The following ITGA3 variants were observed in gnomAD, a reference collection of about 807,000 sequenced individuals.
The protein encoded by ITGA3 is integrin subunit alpha 3.
ITGA3 carries 70 observed loss-of-function variants against 131.1 expected under a neutral mutation model. The ratio of observed to expected loss-of-function variants is 0.53; its 90% CI spans 0.44 to 0.65. The LOEUF (loss-of-function observed/expected upper bound fraction) is 0.65. Among genes scored for constraint, ITGA3 ranks in the 30% least tolerant of loss-of-function variants. The probability of loss-of-function intolerance (pLI) is 0.00; values close to 1 mark genes in which losing one functional copy is unlikely to be tolerated. For synonymous variants in ITGA3, 537 were observed against 571.6 expected (o/e 0.94, Z 0.86); for missense variants, 1,098 against 1,388.6 (o/e 0.79, Z 3.33).
chr17:50,082,557 C>T (rs1041632642), intron 23 of ITGA3, among the ~76,000 whole-genome samples: 4 of 152,146 alleles, frequency 2.6e-5, no homozygotes, highest in Non-Finnish European at 5.9e-5. Context: ...AGTAGTCCTC[C>T]CACCTCAGCC....
Position 50,088,301 on chromosome 17 carries a change from C to A in ITGA3, c.3122C>A (p.Pro1041Gln), listed in dbSNP as rs768111604. The change falls in exon 25 of 26, where the codon CCG becomes CAG. Residue 1041 changes from proline (P) to glutamine (Q), a missense_variant. Physicochemically the swap from Pro to Gln is moderately conservative, Grantham distance 76 (BLOSUM62 -1). Around this residue, in one of 3 missense-constraint regions of ITGA3, gnomAD observed 699 missense variants for 829.2 expected, o/e 0.84. Coordinates refer to ENST00000320031, the MANE Select transcript of ITGA3 (RefSeq NM_002204.4). Reference sequence around the variant, plus strand: ...CAGAAGGCGGAGATGAAGAGCCAGCCGTCAGAGACAGAGAGGCTGACCGAC... The same window carrying A: ...CAGAAGGCGGAGATGAAGAGCCAGCAGTCAGAGACAGAGAGGCTGACCGAC... ...KRQKAEMKSQ[P>Q]SETERLTDDY is the part of the protein sequence containing the mutation. 3 of 1,588,196 alleles carry A rather than the reference C, an allele frequency of 1.9e-6. No homozygotes were observed. Among genetic ancestry groups the A allele is most frequent in the Non-Finnish European group, 2.6e-6 (3 of 1,167,530 alleles).
chr17:50,068,084 T>C lies in ITGA3; in HGVS notation c.443T>C (p.Leu148Pro), dbSNP rs1908419004. 6.2e-7 allele frequency: 1 copy of C among 1,614,118 alleles called. No homozygotes were observed. Among genetic ancestry groups the C allele is most frequent in the Non-Finnish European group, 8.5e-7 (1 of 1,180,046 alleles). The change falls in exon 4 of 26, where the codon CTG (leucine) becomes CCG (proline). Residue 148 changes from leucine to proline, a missense_variant. Physicochemically the swap from Leu to Pro is moderately conservative, Grantham distance 98. Around this residue, in one of 3 missense-constraint regions of ITGA3, gnomAD observed 356 missense variants for 529.2 expected, o/e 0.67. Coordinates refer to ENST00000320031, the MANE Select transcript of ITGA3 (RefSeq NM_002204.4). ...TGTGCCCACCGCTACACCCAGGTGCTGTGGTCAGGGTCAGAAGACCAGCGG... is the reference window on the plus strand; with the variant it reads ...TGTGCCCACCGCTACACCCAGGTGCCGTGGTCAGGGTCAGAAGACCAGCGG... ...LVCAHRYTQV[L>P]WSGSEDQRRM...
Position 50,056,473 on chromosome 17 carries a change from C to G in ITGA3, c.34C>G (p.Pro12Ala). 6.5e-7 allele frequency: 1 copy of G among 1,547,480 alleles called. No homozygotes were observed. Among genetic ancestry groups the G allele is most frequent in the Non-Finnish European group, 8.7e-7 (1 of 1,146,102 alleles). The change falls in exon 1 of 26, where the codon CCA becomes GCA. Residue 12 changes from proline (P) to alanine (A), a missense_variant. Physicochemically the swap from Pro to Ala is conservative, Grantham distance 27. This residue lies in a region of ITGA3 where 43 missense variants were observed against 30.3 expected (regional missense o/e 1.42). Coordinates refer to ENST00000320031, the MANE Select transcript of ITGA3 (RefSeq NM_002204.4). This position sits in a 1 kb window ranked among gnomAD's most constrained non-coding sequence, Gnocchi z 5.6. ...CGGCCCCAGCCGCGCGCCCCGCGCC[C>G]CACGCCTGATGCTCTGTGCGCTCGC... ...GPGPSRAPRA[P>A]RLMLCALALM... is the part of the protein sequence containing the mutation.
At chr17:50,070,515 G>A (rs555592623) in intron 4 of ITGA3, among the ~76,000 whole-genome samples, 5 of 151,618 alleles carry the variant, frequency 3.3e-5, no homozygotes, top group African/African-American at 9.7e-5. Context: ...GCATGGTGGC[G>A]CATGCCTGTA....
chr17:50,074,045 G>A (rs372535143), intron 8 of ITGA3, 41 bp downstream of exon 8: 33 of 1,558,600 alleles, frequency 2.1e-5, no homozygotes, highest in Non-Finnish European at 2.8e-5. Context: ...CCCACCAGCC[G>A]AGATGGGCCT....
chr17:50,078,289 G>A lies in ITGA3; in HGVS notation c.2297+5G>A. 1.2e-6 allele frequency: 2 copies of A among 1,611,294 alleles called. No individual in the cohort carries two copies. The highest frequency in any genetic ancestry group is 1.7e-6 in the Non-Finnish European group (2 of 1,177,970). On this transcript the variant is annotated splice_donor_5th_base_variant and intron_variant, in intron 18 of 25. Transcript: ENST00000320031. ...ACTCCAGACCTCGCTTAGCATGTGG[G>A]TACCGCTCTCCACCACCCCCACCCC...
Position 50,072,003 on chromosome 17 carries a change from T to C in ITGA3, c.977T>C (p.Val326Ala), listed in dbSNP as rs1402955015. The change falls in exon 7 of 26, where the codon GTG becomes GCG. Residue 326 changes from valine to alanine, a missense_variant. Val to Ala is a moderately conservative substitution (Grantham distance 64). Coordinates refer to ENST00000320031, the MANE Select transcript of ITGA3 (RefSeq NM_002204.4). ...LNNDGWQDLLVGAPYYFERKE... is the reference protein window; with the variant it reads ...LNNDGWQDLLAGAPYYFERKE... ...CTGTGTAGGTGGCAGGACCTCCTGG[T>C]GGGCGCCCCCTACTACTTCGAGAGG... 6.2e-7 allele frequency: 1 copy of C among 1,613,560 alleles called. No individual in the cohort carries two copies. Among genetic ancestry groups the C allele is most frequent in the East Asian group, 2.2e-5 (1 of 44,846 alleles).
chr17:50,062,039 C>A (rs1417830739), intron 1 of ITGA3, among the ~76,000 whole-genome samples: 359 of 117,430 alleles, frequency 3.1e-3, no homozygotes, highest in South Asian at 3.8e-3. Flanking sequence ...GACCCTGTCT[C>A]AAAAAAAAAA....
chr17:50,068,933 C>T (rs573093495), intron 4 of ITGA3, among the ~76,000 whole-genome samples: 2 of 151,810 alleles, frequency 1.3e-5, no homozygotes, highest in South Asian at 2.1e-4. Flanking sequence ...CTGCAAGCTC[C>T]ACCTCCAGGG....
chr17:50,082,424 G>C (rs1456818240), intron 23 of ITGA3, among the ~76,000 whole-genome samples: 1 of 152,080 alleles, frequency 6.6e-6, no homozygotes. Context: ...TGATCCACCT[G>C]CCTCGGCCTC....
Position 50,056,702 on chromosome 17 carries a change from C to A in ITGA3, c.206+57C>A, listed in dbSNP as rs1247088838. The stretch of plus-strand genomic sequence containing the variant: ...CGAGAGAGTGTGCGAGCGCGGGATG[C>A]GGGTCCGGAGCTGAGTCGGAGCCCA... On this transcript the variant is annotated intron_variant, in intron 1 of 25. Transcript: ENST00000320031. This position sits in a 1 kb window ranked among gnomAD's most constrained non-coding sequence, Gnocchi z 5.6. The A allele has an allele frequency of 1.3e-6, 2 of 1,514,904 alleles. No homozygotes were observed. Among genetic ancestry groups the A allele is most frequent in the African/African-American group, 1.4e-5 (1 of 71,656 alleles). The allele number at this position is 1,514,904 out of a possible 1,614,324, so 93.8% of individuals were successfully genotyped here.
Position 50,090,267 on chromosome 17 carries a change from G to GCTCT in ITGA3, c.*1190_*1193dup, listed in dbSNP as rs1245064111. The GCTCT allele has an allele frequency of 2.2e-6, 1 of 456,496 alleles. No individual in the cohort carries two copies. Among genetic ancestry groups the GCTCT allele is most frequent in the Non-Finnish European group, 4.4e-6 (1 of 226,908 alleles). 28.3% of individuals were successfully genotyped at this position (456,496 alleles called of 1,614,324 possible). ...ATCCTTGGCTTTCAGAGCCAGCCTG[G>GCTCT]CTCTGCCCCCTCCCCCATGGGCTGT... On this transcript the variant is annotated 3_prime_UTR_variant, in exon 26 of 26. Transcript: ENST00000320031.
At chr17:50,086,245 AAT>A (rs375343902) in intron 23 of ITGA3, 1 of 43,964 alleles carries the variant, frequency 2.3e-5, no homozygotes, top group East Asian at 9.9e-4. Flanking sequence ...ATACATGTAT[AAT>A]ATATATATTA....
intron 23 of ITGA3, chr17:50,086,732 T>G (rs181801235): frequency 6.7e-6 from 1 of 150,370 alleles, no homozygotes; most frequent in Non-Finnish European, 1.5e-5. Flanking sequence ...ACATCCGTAT[T>G]TATCTCCATT....
chr17:50,076,244 C>A, intron 12 of ITGA3, 82 bp from the exon 13 acceptor site: 2 of 1,503,382 alleles, frequency 1.3e-6, no homozygotes, highest in Non-Finnish European at 1.8e-6. Flanking sequence ...TCCAGCTCTT[C>A]TCTGGGGTTC....
At chr17:50,058,475 T>C (rs995946554) in intron 1 of ITGA3, among the ~76,000 whole-genome samples, 1 of 152,216 alleles carries the variant, frequency 6.6e-6, no homozygotes, top group African/African-American at 2.4e-5. Flanking sequence ...GCTCTTGCGC[T>C]GAGGCCAGAA....
chr17:50,058,407 C>T (rs572352285), intron 1 of ITGA3, among the ~76,000 whole-genome samples: 5 of 152,200 alleles, frequency 3.3e-5, no homozygotes, highest in African/African-American at 9.6e-5. Flanking sequence ...GGGGCTGTAA[C>T]GAGATAAAGT....
rs577531446 is a variant in ITGA3, at chr17:50,080,505, T to TGTGA, written c.2820+131_2820+132insTGAG. 54,827 of 520,284 alleles carry TGTGA rather than the reference T, an allele frequency of 0.11. 2,136 individuals carry two copies. The highest frequency in any genetic ancestry group is 0.21 in the Admixed American group (6,121 of 28,828). 32.2% of individuals were successfully genotyped at this position (520,284 alleles called of 1,614,324 possible). ...GTGTGTGTGTGTGTGTGTGTGTGTGTGATTTGCGTGTCTTTGCATGGATGT... is the reference window on the plus strand; with the variant it reads ...GTGTGTGTGTGTGTGTGTGTGTGTGTGTGAGATTTGCGTGTCTTTGCATGGATGT... On this transcript the variant is annotated intron_variant, in intron 22 of 25. Coordinates refer to ENST00000320031, the MANE Select transcript of ITGA3 (RefSeq NM_002204.4).
In ITGA3 at chr17:50,074,481, C is replaced by G. The variant is rs1459886388; in HGVS notation, c.1416C>G (p.Thr472=). Residue 472 remains threonine (T), a synonymous_variant, in exon 10 of 26, where the codon ACC becomes ACG. Transcript: ENST00000320031. The part of the protein sequence containing the change: ...ARPVINIVHK[T]LVPRPAVLDP... ...CCGTCATCAACATCGTCCACAAGAC[C>G]TTGGTGCCCAGGCCAGCTGTGCTGG... The G allele has an allele frequency of 6.2e-7, 1 of 1,614,110 alleles. No homozygotes were observed. Among genetic ancestry groups the G allele is most frequent in the South Asian group, 1.1e-5 (1 of 91,082 alleles).
Sources: gnomAD v4.1 joint callset for allele counts (sites outside exome capture counted in the v4.1 genomes callset) on GRCh38, gnomAD v4.1.1 for gene constraint, gnomAD v4.1.1 regional missense constraint, Gnocchi (gnomAD v3.1) non-coding constraint, MANE v1.5 for transcripts, NCBI Gene and HGNC (gene_info 2026-07-23, HGNC 2026-07-21) for gene names.